The following MDGA2 variants were observed in gnomAD, a reference collection of about 807,000 sequenced individuals.
MDGA2 encodes the protein MAM domain-containing glycosylphosphatidylinositol anchor protein 2.
A neutral mutation model predicts 117.8 loss-of-function variants in MDGA2; 40 were observed. The ratio of observed to expected loss-of-function variants is 0.34; its 90% CI spans 0.26 to 0.44. The LOEUF is 0.44. MDGA2 is among the 20% of genes least tolerant of loss of function. The probability of loss-of-function intolerance (pLI) is 1.00; values close to 1 mark genes in which losing one functional copy is unlikely to be tolerated. For synonymous variants in MDGA2, 452 were observed against 439.0 expected (o/e 1.03, Z -0.37); for missense variants, 1,123 against 1,250.6 (o/e 0.90, Z 1.54).
intron 3 of MDGA2, among the ~76,000 whole-genome samples, chr14:47,177,208 A>C (rs61995379): frequency 2.6e-5 from 4 of 152,238 alleles, no homozygotes; most frequent in Admixed American, 6.5e-5. Context: ...TGGTGGGACT[A>C]TAAACTAGTT....
intron 3 of MDGA2, among the ~76,000 whole-genome samples, chr14:47,205,790 G>C (rs1885661333): frequency 6.6e-6 from 1 of 151,946 alleles, no homozygotes; most frequent in South Asian, 2.1e-4. Context: ...TAGCATTTCA[G>C]CTACTACAAC....
At chr14:47,369,708 A>C (rs1037212697) in intron 1 of MDGA2, among the ~76,000 whole-genome samples, 1 of 152,132 alleles carries the variant, frequency 6.6e-6, no homozygotes, top group Non-Finnish European at 1.5e-5. Context: ...TATAGTGGTC[A>C]TCTGCTTTTC....
chr14:47,046,378 C>T (rs1430286996), intron 7 of MDGA2, among the ~76,000 whole-genome samples: 5 of 151,696 alleles, frequency 3.3e-5, no homozygotes, highest in Non-Finnish European at 7.4e-5. Context: ...GAGTTGTTCT[C>T]ACTCATAGGT....
chr14:47,422,274 C>CT (rs1892596068), intron 1 of MDGA2, among the ~76,000 whole-genome samples: 1 of 152,152 alleles, frequency 6.6e-6, no homozygotes, highest in Non-Finnish European at 1.5e-5. Flanking sequence ...TTCCCAATTA[C>CT]TTTTTTTCCT....
intron 1 of MDGA2, among the ~76,000 whole-genome samples, chr14:47,559,535 G>A (rs981190731): frequency 3.3e-5 from 5 of 151,014 alleles, no homozygotes; most frequent in East Asian, 1.9e-4. Context: ...ACTGTGAATG[G>A]TGCTGTGATG....
chr14:47,437,925 A>G (rs1892930073), intron 1 of MDGA2, among the ~76,000 whole-genome samples: 1 of 152,120 alleles, frequency 6.6e-6, no homozygotes, highest in East Asian at 1.9e-4. Context: ...AGCACTACAT[A>G]AGGTCAAGTC....
At chr14:47,661,698 G>A (rs1897849046) in intron 1 of MDGA2, among the ~76,000 whole-genome samples, 2 of 147,592 alleles carry the variant, frequency 1.4e-5, no homozygotes, top group African/African-American at 5.0e-5. Context: ...AGGCAGCTAA[G>A]AAATATTTCT....
At chr14:47,555,144 C>T (rs2138785897) in intron 1 of MDGA2, among the ~76,000 whole-genome samples, 1 of 152,262 alleles carries the variant, frequency 6.6e-6, no homozygotes, top group Middle Eastern at 3.4e-3. Flanking sequence ...ATTACCAATG[C>T]TTTCTCTGGC....
intron 1 of MDGA2, among the ~76,000 whole-genome samples, chr14:47,570,760 A>G (rs1896004121): frequency 6.6e-6 from 1 of 152,194 alleles, no homozygotes; most frequent in Non-Finnish European, 1.5e-5. Context: ...TTAATTCAAG[A>G]TGGATTAAAG....
chr14:47,638,246 A>C (rs1333772222), intron 1 of MDGA2, among the ~76,000 whole-genome samples: 1 of 152,194 alleles, frequency 6.6e-6, no homozygotes, highest in Non-Finnish European at 1.5e-5. Context: ...GAAATCAATC[A>C]AAATAAATTT....
At chr14:47,003,272 G>T (rs1184427674) in intron 8 of MDGA2, among the ~76,000 whole-genome samples, 4 of 151,866 alleles carry the variant, frequency 2.6e-5, no homozygotes, top group Non-Finnish European at 5.9e-5. Flanking sequence ...GTACCTTTGT[G>T]TGTAAGTTGT....
intron 8 of MDGA2, among the ~76,000 whole-genome samples, chr14:46,962,116 C>T (rs1363660589): frequency 6.6e-6 from 1 of 152,096 alleles, no homozygotes; most frequent in Admixed American, 6.5e-5. Flanking sequence ...GTTTCTTTCT[C>T]CAGAGAAAAT....
chr14:47,661,097 A>G (rs1025139891), intron 1 of MDGA2, among the ~76,000 whole-genome samples: 2 of 152,204 alleles, frequency 1.3e-5, no homozygotes, highest in Non-Finnish European at 2.9e-5. Flanking sequence ...GATAATTTTC[A>G]TGCATAGCAC....
At chr14:47,338,042 C>T (rs1890512878) in intron 1 of MDGA2, among the ~76,000 whole-genome samples, 2 of 151,986 alleles carry the variant, frequency 1.3e-5, no homozygotes, top group Non-Finnish European at 2.9e-5. Context: ...TTGTATGGTG[C>T]AACAGAACGA....
intron 14 of MDGA2, among the ~76,000 whole-genome samples, chr14:46,870,155 T>C (rs1221007989): frequency 1.3e-5 from 2 of 152,016 alleles, no homozygotes; most frequent in Non-Finnish European, 2.9e-5. Context: ...TAATAAGTAA[T>C]GCAACATATT....
chr14:47,542,244 G>T (rs989777086), intron 1 of MDGA2, among the ~76,000 whole-genome samples: 5 of 152,124 alleles, frequency 3.3e-5, no homozygotes, highest in Non-Finnish European at 7.4e-5. Flanking sequence ...ATGATTCTGC[G>T]ACTACATGGT....
At chr14:47,557,359 G>A (rs1895704170) in intron 1 of MDGA2, among the ~76,000 whole-genome samples, 2 of 152,116 alleles carry the variant, frequency 1.3e-5, no homozygotes, top group Admixed American at 1.3e-4. Flanking sequence ...TCAGAAATTG[G>A]TGTGTCATTT....
At chr14:47,407,986 T>C (rs567166478) in intron 1 of MDGA2, among the ~76,000 whole-genome samples, 16 of 152,184 alleles carry the variant, frequency 1.1e-4, no homozygotes, top group African/African-American at 2.6e-4. Flanking sequence ...CCTGTGACTA[T>C]TGTATTCCAT....
At chr14:47,023,198 T>TAAAAAAAAAAAAAAAAAAAAAA in intron 8 of MDGA2, among the ~76,000 whole-genome samples, 1 of 102,848 alleles carries the variant, frequency 9.7e-6, no homozygotes, top group Non-Finnish European at 2.0e-5. Context: ...TTCCCACTCG[T>TAAAAAAAAAAAAAAAAAAAAAA]AAAAAAAAAA....
Sources: gnomAD v4.1 joint callset for allele counts (sites outside exome capture counted in the v4.1 genomes callset) on GRCh38, gnomAD v4.1.1 for gene constraint, MANE v1.5 for transcripts, NCBI Gene and HGNC (gene_info 2026-07-23, HGNC 2026-07-21) for gene names.